Variants in DOCK5 observed in about 807,000 individuals in gnomAD.
The protein encoded by DOCK5 is dedicator of cytokinesis 5.
Under a neutral mutation model 251.8 loss-of-function variants are expected in DOCK5, and 142 were observed. The observed-to-expected ratio is 0.56, with a 90% CI of 0.49 to 0.65. The LOEUF is 0.65. Among genes scored for constraint, DOCK5 ranks in the 30% least tolerant of loss-of-function variants. The pLI is 0.00. For synonymous variants in DOCK5, 842 were observed against 835.5 expected, an observed-to-expected ratio of 1.01 and a Z score of -0.13; for missense variants, 2,111 against 2,312.3, an observed-to-expected ratio of 0.91 and a Z score of 1.79.
Position 25,190,775 on chromosome 8 carries a change from G to GTTTTTTTTTTTTTTTTTTTTTTTTTTTTT in DOCK5, c.43+5824_43+5825insTTTTTTTTTTTTTTTTTTTTTTTTTTTTT, listed in dbSNP as rs755511798. Among the ~76,000 whole-genome samples, 10 of 53,980 alleles carry GTTTTTTTTTTTTTTTTTTTTTTTTTTTTT rather than the reference G, an allele frequency of 1.9e-4. 2 individuals are homozygous for GTTTTTTTTTTTTTTTTTTTTTTTTTTTTT. Among genetic ancestry groups the GTTTTTTTTTTTTTTTTTTTTTTTTTTTTT allele is most frequent in the Admixed American group, 1.1e-3 (3 of 2,760 alleles). The allele number at this position is 53,980 out of a possible 152,430, so 35.4% of individuals were successfully genotyped here. A position where few individuals can be genotyped will look rare whatever the true frequency, so the allele number is the denominator to read the frequency against. On this transcript the variant is annotated intron_variant, in intron 1 of 51. Coordinates refer to ENST00000276440, the MANE Select transcript of DOCK5 (RefSeq NM_024940.8). The stretch of plus-strand genomic sequence containing the variant: ...AAGGCCTGGCCTTAACTTGGTCATG[G>GTTTTTTTTTTTTTTTTTTTTTTTTTTTTT]GTTTTTTTTTTTTTTTTTTTTTTTT...
At chr8:25,188,674 C>T (rs1801492401) in intron 1 of DOCK5, among the ~76,000 whole-genome samples, 1 of 152,296 alleles carries the variant, frequency 6.6e-6, no homozygotes, top group Admixed American at 6.5e-5. Context: ...AAGTGGATCT[C>T]AATGGTTTCT....
intron 35 of DOCK5, 35 bp downstream of exon 35, chr8:25,372,753 C>G: frequency 6.3e-7 from 1 of 1,584,816 alleles, no homozygotes; most frequent in Non-Finnish European, 8.6e-7. Context: ...TGGGAGGGTA[C>G]TGTCAGGCCG....
intron 5 of DOCK5, among the ~76,000 whole-genome samples, chr8:25,284,575 A>G (rs76691978): frequency 0.067 from 10,274 of 152,240 alleles, 519 homozygotes; most frequent in East Asian, 0.29. Context: ...CAGCCTTGGA[A>G]AGCAGCTCCA....
chr8:25,321,178 C>A, intron 16 of DOCK5, 126 bp downstream of exon 16: 1 of 764,096 alleles, frequency 1.3e-6, no homozygotes, highest in Non-Finnish European at 2.2e-6. Context: ...TATTTTGTAA[C>A]TCACTGGTGC....
chr8:25,261,672 A>G (rs1290345737), intron 2 of DOCK5, among the ~76,000 whole-genome samples: 1 of 152,222 alleles, frequency 6.6e-6, no homozygotes, highest in Non-Finnish European at 1.5e-5. Context: ...AATGTGTTTT[A>G]TCAAATGAAT....
chr8:25,411,299 G>A lies in DOCK5; in HGVS notation c.*1G>A. 3.3e-6 allele frequency: 5 copies of A among 1,517,050 alleles called. No individual in the cohort carries two copies. The South Asian group carries it at 6.4e-5, about 20-fold the overall frequency. 94.0% of individuals were successfully genotyped at this position (1,517,050 alleles called of 1,614,324 possible). A position where few individuals can be genotyped will look rare whatever the true frequency, so the allele number is the denominator to read the frequency against. On this transcript the variant is annotated 3_prime_UTR_variant, in exon 52 of 52. Coordinates refer to ENST00000276440, the MANE Select transcript of DOCK5 (RefSeq NM_024940.8). ...TACTTCCGAGCCTGGATCCCAGTAA[G>A]GATCTTGCCCTCCCTGCAACACCGA...
chr8:25,203,802 A>C (rs1801936865), intron 1 of DOCK5, among the ~76,000 whole-genome samples: 1 of 152,066 alleles, frequency 6.6e-6, no homozygotes, highest in African/African-American at 2.4e-5. Context: ...GCCTCTCTTT[A>C]CTTTTGGTTT....
At chr8:25,185,933 C>G (rs1467846914) in intron 1 of DOCK5, among the ~76,000 whole-genome samples, 1 of 152,186 alleles carries the variant, frequency 6.6e-6, no homozygotes, top group African/African-American at 2.4e-5. Flanking sequence ...TGGGGTGATT[C>G]CCTACAATAA....
chr8:25,383,293 A>T (rs1192358861), intron 40 of DOCK5, among the ~76,000 whole-genome samples: 1 of 152,208 alleles, frequency 6.6e-6, no homozygotes, highest in Non-Finnish European at 1.5e-5. Flanking sequence ...TTTCTTTTAG[A>T]GCTGAGCTTT....
At chr8:25,282,948 T>G (rs1804239710) in intron 5 of DOCK5, among the ~76,000 whole-genome samples, 1 of 147,898 alleles carries the variant, frequency 6.8e-6, no homozygotes, top group Non-Finnish European at 1.5e-5. Flanking sequence ...CTTTTCAGTC[T>G]CAGTTCACCA....
At chr8:25,300,805 A>G in intron 9 of DOCK5, 148 bp downstream of exon 9, 2 of 792,618 alleles carry the variant, frequency 2.5e-6, no homozygotes, top group Non-Finnish European at 3.9e-6. Context: ...TTTATTCAAC[A>G]TGTACTTCAA....
intron 27 of DOCK5, among the ~76,000 whole-genome samples, chr8:25,354,066 G>C (rs151052428): frequency 0.051 from 5,882 of 114,266 alleles, 206 homozygotes; most frequent in South Asian, 0.14. Flanking sequence ...AAAAAAAAAC[G>C]TAGGAGAGAA....
intron 2 of DOCK5, among the ~76,000 whole-genome samples, chr8:25,252,313 A>G (rs1287467479): frequency 6.6e-6 from 1 of 152,246 alleles, no homozygotes; most frequent in Admixed American, 6.5e-5. Context: ...TAGAATGTGT[A>G]AAAGTTTACT....
chr8:25,377,643 A>G (rs7823269), intron 38 of DOCK5, among the ~76,000 whole-genome samples: 2,209 of 152,280 alleles, frequency 0.015, 56 homozygotes, highest in African/African-American at 0.051. Context: ...GGGGGCTTCC[A>G]CTGCCCCCTC....
chr8:25,302,575 A>G, intron 10 of DOCK5, 121 bp downstream of exon 10: 1 of 1,289,908 alleles, frequency 7.8e-7, no homozygotes, highest in Non-Finnish European at 1.0e-6. Context: ...CTTCAAAACA[A>G]TCAAAAGCAA....
chr8:25,391,197 C>CTGTGTGTG (rs760981712), intron 42 of DOCK5, among the ~76,000 whole-genome samples: 1 of 22,846 alleles, frequency 4.4e-5, no homozygotes, highest in African/African-American at 5.1e-5. Context: ...ACCACCACAC[C>CTGTGTGTG]TGTGTGTGTG....
intron 40 of DOCK5, among the ~76,000 whole-genome samples, chr8:25,384,466 T>A (rs950241649): frequency 7.7e-5 from 10 of 130,006 alleles, no homozygotes; most frequent in Non-Finnish European, 9.6e-5. Flanking sequence ...TTTATTTATT[T>A]TTTTTTTTTT....
intron 5 of DOCK5, among the ~76,000 whole-genome samples, chr8:25,286,340 G>A (rs1804332140): frequency 1.3e-5 from 2 of 152,196 alleles, no homozygotes; most frequent in Admixed American, 6.5e-5. Flanking sequence ...CTGCCTGGGA[G>A]GAGTAATTGA....
At chr8:25,405,562 A>G (rs912351833) in intron 48 of DOCK5, among the ~76,000 whole-genome samples, 1 of 152,008 alleles carries the variant, frequency 6.6e-6, no homozygotes, top group African/African-American at 2.4e-5. Flanking sequence ...TAATTATTAT[A>G]GATATAAAAC....
Sources: gnomAD v4.1 joint callset for allele counts (sites outside exome capture counted in the v4.1 genomes callset) on GRCh38, gnomAD v4.1.1 for gene constraint, MANE v1.5 for transcripts, NCBI Gene and HGNC (gene_info 2026-07-23, HGNC 2026-07-21) for gene names.